Variants in DGKI observed in about 807,000 individuals in gnomAD.
DGKI encodes the protein DAG kinase iota.
A neutral mutation model predicts 147.5 loss-of-function variants in DGKI; 55 were observed. That is an observed-to-expected ratio of 0.37 (90% CI 0.30 to 0.47). DGKI has a LOEUF of 0.47. Ranked by LOEUF, DGKI falls within the 20% of genes least tolerant of loss-of-function variation. The pLI, the probability that DGKI is intolerant of heterozygous loss-of-function variation, is 1.00. For synonymous variants in DGKI, 469 were observed against 477.1 expected, an observed-to-expected ratio of 0.98 and a Z score of 0.22; for missense variants, 1,007 against 1,323.8, an observed-to-expected ratio of 0.76 and a Z score of 3.71.
intron 21 of DGKI, among the ~76,000 whole-genome samples, chr7:137,508,807 C>G (rs1664775224): frequency 6.6e-6 from 1 of 152,008 alleles, no homozygotes; most frequent in Non-Finnish European, 1.5e-5. Context: ...TTAGCAAACA[C>G]AGATGCCTAG....
At chr7:137,613,629 G>A (rs901037389) in intron 8 of DGKI, among the ~76,000 whole-genome samples, 25 of 152,046 alleles carry the variant, frequency 1.6e-4, no homozygotes, top group African/African-American at 5.3e-4. Context: ...TATGAAGAAA[G>A]CTCATACAGG....
intron 27 of DGKI, among the ~76,000 whole-genome samples, chr7:137,448,768 C>G (rs1003969587): frequency 1.1e-4 from 17 of 151,192 alleles, no homozygotes; most frequent in African/African-American, 4.1e-4. Flanking sequence ...GGGGTAAATA[C>G]AGCATTTGTG....
intron 29 of DGKI, among the ~76,000 whole-genome samples, chr7:137,411,765 A>T (rs1402533892): frequency 6.6e-6 from 1 of 152,164 alleles, no homozygotes; most frequent in African/African-American, 2.4e-5. Context: ...TGTTTGACTA[A>T]CTATGATCCC....
chr7:137,752,567 C>T (rs778253384), intron 1 of DGKI, among the ~76,000 whole-genome samples: 14 of 152,178 alleles, frequency 9.2e-5, no homozygotes, highest in Non-Finnish European at 1.6e-4. Flanking sequence ...TGACCCCTGA[C>T]CTAACGGGTT....
chr7:137,420,714 A>AT (rs1414975599), intron 28 of DGKI, among the ~76,000 whole-genome samples: 15 of 152,106 alleles, frequency 9.9e-5, no homozygotes, highest in Admixed American at 2.6e-4. Flanking sequence ...TCTGTCCTTA[A>AT]TCTCTCATTA....
chr7:137,712,622 T>C (rs1166097604), intron 1 of DGKI, among the ~76,000 whole-genome samples: 1 of 152,210 alleles, frequency 6.6e-6, no homozygotes, highest in Non-Finnish European at 1.5e-5. Flanking sequence ...GAGATTCCAG[T>C]ATCTTGTTTA....
intron 28 of DGKI, among the ~76,000 whole-genome samples, chr7:137,423,386 G>C (rs1427714312): frequency 6.6e-6 from 1 of 152,154 alleles, no homozygotes; most frequent in African/African-American, 2.4e-5. Context: ...GTCCTTCAAG[G>C]CCTCTGAAAG....
chr7:137,608,205 C>T (rs1179512898), intron 10 of DGKI, among the ~76,000 whole-genome samples: 1 of 152,042 alleles, frequency 6.6e-6, no homozygotes, highest in Non-Finnish European at 1.5e-5. Flanking sequence ...ATATATACTT[C>T]GTGGATAAAG....
chr7:137,758,408 A>T (rs1164843550), intron 1 of DGKI, among the ~76,000 whole-genome samples: 1 of 152,172 alleles, frequency 6.6e-6, no homozygotes, highest in Non-Finnish European at 1.5e-5. Flanking sequence ...CTCAGAGGCC[A>T]TGTGCGGTGG....
chr7:137,618,251 C>T (rs1341272859), intron 8 of DGKI, among the ~76,000 whole-genome samples: 1 of 145,684 alleles, frequency 6.9e-6, no homozygotes, highest in Admixed American at 7.0e-5. Context: ...AATTCCTCCA[C>T]AGTCAGGCCT....
At chr7:137,502,183 G>T (rs1163903860) in intron 21 of DGKI, among the ~76,000 whole-genome samples, 3 of 152,182 alleles carry the variant, frequency 2.0e-5, no homozygotes, top group Admixed American at 6.5e-5. Context: ...GACTAATACA[G>T]GGCCTAAGCC....
chr7:137,446,135 A>C (rs1378688265), intron 27 of DGKI, among the ~76,000 whole-genome samples: 1 of 152,186 alleles, frequency 6.6e-6, no homozygotes. Flanking sequence ...AGGACAACTA[A>C]ATGTCTCAAG....
At chr7:137,765,865 G>A (rs1158269948) in intron 1 of DGKI, among the ~76,000 whole-genome samples, 1 of 152,176 alleles carries the variant, frequency 6.6e-6, no homozygotes, top group Non-Finnish European at 1.5e-5. Flanking sequence ...ACACTCTATT[G>A]TCAATTTCAC....
chr7:137,668,526 C>T (rs1225341375), intron 3 of DGKI, among the ~76,000 whole-genome samples: 1 of 152,192 alleles, frequency 6.6e-6, no homozygotes, highest in East Asian at 1.9e-4. Flanking sequence ...TGAACTCATT[C>T]ATTCATTCAA....
rs992450477 is a variant in DGKI at position 137,554,218 on chromosome 7, T to C, written c.1948-1650A>G. On this transcript the variant is annotated intron_variant, in intron 19 of 32. Transcript: ENST00000614521. Reference sequence around the variant, plus strand: ...TTAGCACGGTCACATTAAATTATTTTTGGAACAAATTAGAGTATAAGTAAT... The same window carrying C: ...TTAGCACGGTCACATTAAATTATTTCTGGAACAAATTAGAGTATAAGTAAT... Among the ~76,000 whole-genome samples, 7 of 152,220 alleles carry C rather than the reference T, an allele frequency of 4.6e-5. 1 individual carries two copies. The highest frequency in any genetic ancestry group is 1.7e-4 in the African/African-American group (7 of 41,456).
chr7:137,839,923 C>A (rs1053663377), intron 1 of DGKI, among the ~76,000 whole-genome samples: 15 of 152,186 alleles, frequency 9.9e-5, no homozygotes, highest in African/African-American at 2.9e-4. Flanking sequence ...AAAGAAAATG[C>A]TGTTTGCTTT....
chr7:137,756,145 G>A lies in DGKI; in HGVS notation c.402-66143C>T, dbSNP rs1011943393. On this transcript the variant is annotated intron_variant, in intron 1 of 32. Coordinates refer to ENST00000614521, the MANE Select transcript of DGKI (RefSeq NM_001321708.2). ...TACATCACCAATAAACCTGTTTCCT[G>A]CAGAGGCTTTAATAACCAAGCAGAT... 3.3e-5 allele frequency among the ~76,000 whole-genome samples: 5 copies of A among 152,324 alleles called. No individual in the cohort carries two copies. In the East Asian group the frequency reaches 9.6e-4, roughly 29 times the overall value.
At chr7:137,683,316 A>ATCACTCTTTTATCCTTG (rs563893732) in intron 2 of DGKI, among the ~76,000 whole-genome samples, 71 of 151,792 alleles carry the variant, frequency 4.7e-4, no homozygotes, top group Non-Finnish European at 7.1e-4. Context: ...AACAGCATCA[A>ATCACTCTTTTATCCTTG]TCACTCTTTT....
At chr7:137,656,332 G>A in intron 4 of DGKI, 134 bp downstream of exon 4, 1 of 851,320 alleles carries the variant, frequency 1.2e-6, no homozygotes, top group Admixed American at 2.0e-5. Context: ...TTAGTAATCT[G>A]GTAATAATGT....
Sources: allele counts gnomAD v4.1 joint callset (sites outside exome capture counted in the v4.1 genomes callset), GRCh38; gene constraint gnomAD v4.1.1; transcripts MANE v1.5; gene names NCBI Gene and HGNC (gene_info 2026-07-23, HGNC 2026-07-21).